The following LRRC7 variants were observed in gnomAD, a reference collection of about 807,000 sequenced individuals.
LRRC7 encodes leucine-rich repeat-containing protein 7.
In LRRC7, 23 loss-of-function variants were observed where a neutral mutation model predicts 175.7. The observed-to-expected ratio is 0.13, with a 90% CI of 0.09 to 0.19. LRRC7 has a LOEUF of 0.19. Ranked by LOEUF, LRRC7 falls within the 10% of genes least tolerant of loss-of-function variation. LRRC7 has a pLI of 1.00. For synonymous variants in LRRC7, 685 were observed against 680.9 expected, an observed-to-expected ratio of 1.01 and a Z score of -0.09; for missense variants, 1,354 against 1,904.7, an observed-to-expected ratio of 0.71 and a Z score of 5.38.
At chr1:69,838,347 T>C (rs1681349768) in intron 7 of LRRC7, 64 bp downstream of exon 7, 1 of 1,291,536 alleles carries the variant, frequency 7.7e-7, no homozygotes, top group Admixed American at 1.7e-5. Context: ...GAGAAATAAC[T>C]ACTTTTATTT....
intron 24 of LRRC7, among the ~76,000 whole-genome samples, chr1:70,081,613 G>A (rs565394668): frequency 1.4e-4 from 21 of 152,232 alleles, no homozygotes; most frequent in Admixed American, 2.6e-4. Flanking sequence ...TGCAGCCTGC[G>A]TCACATGTCA....
chr1:69,863,866 C>T (rs1684624290), intron 7 of LRRC7, among the ~76,000 whole-genome samples: 1 of 152,136 alleles, frequency 6.6e-6, no homozygotes, highest in Admixed American at 6.6e-5. Flanking sequence ...ATAATAACTT[C>T]AATGACATTC....
At chr1:69,909,292 G>A (rs997561944) in intron 7 of LRRC7, among the ~76,000 whole-genome samples, 20 of 152,124 alleles carry the variant, frequency 1.3e-4, no homozygotes, top group African/African-American at 4.8e-4. Context: ...ATTGTTATGT[G>A]TGTATTTGGT....
chr1:69,838,382 T>A, intron 7 of LRRC7, 99 bp downstream of exon 7: 1 of 932,574 alleles, frequency 1.1e-6, no homozygotes, highest in Non-Finnish European at 1.7e-6. Context: ...CACTTTGAGT[T>A]AATTTATCTA....
At chr1:69,968,943 C>T (rs532604072) in intron 8 of LRRC7, among the ~76,000 whole-genome samples, 8 of 152,068 alleles carry the variant, frequency 5.3e-5, no homozygotes, top group Non-Finnish European at 1.2e-4. Context: ...CTCAGCCTCC[C>T]GAGTAGCTGG....
intron 7 of LRRC7, chr1:69,919,418 G>A (rs1646814504): frequency 1.2e-6 from 1 of 828,036 alleles, no homozygotes; most frequent in African/African-American, 1.7e-5. Context: ...CCCTCAGGCC[G>A]AGGGTACTAC....
intron 2 of LRRC7, among the ~76,000 whole-genome samples, chr1:69,751,779 T>G (rs1298709212): frequency 6.6e-6 from 1 of 152,188 alleles, no homozygotes; most frequent in Non-Finnish European, 1.5e-5. Flanking sequence ...GAAGCATGGC[T>G]GTTCTTAGAG....
chr1:69,668,725 T>A (rs1322188762), intron 1 of LRRC7, among the ~76,000 whole-genome samples: 1 of 152,230 alleles, frequency 6.6e-6, no homozygotes, highest in East Asian at 1.9e-4. Context: ...TACCACACTG[T>A]CTTCCACAAT....
chr1:70,067,847 T>C (rs754343998), intron 23 of LRRC7, among the ~76,000 whole-genome samples: 3 of 152,146 alleles, frequency 2.0e-5, no homozygotes, highest in Non-Finnish European at 4.4e-5. Flanking sequence ...GCTTAATTTG[T>C]ACCTAAGTAT....
At chr1:69,628,384 A>T (rs1433071729) in intron 1 of LRRC7, among the ~76,000 whole-genome samples, 1 of 152,306 alleles carries the variant, frequency 6.6e-6, no homozygotes, top group East Asian at 1.9e-4. Flanking sequence ...CTATATTAGC[A>T]TTCCCCCAAT....
intron 8 of LRRC7, among the ~76,000 whole-genome samples, chr1:69,969,181 A>G (rs1651971755): frequency 6.6e-6 from 1 of 152,156 alleles, no homozygotes; most frequent in Non-Finnish European, 1.5e-5. Flanking sequence ...TTTAAAGCAT[A>G]AATCACACAG....
chr1:69,606,996 G>A (rs2101015509), intron 1 of LRRC7: 2 of 152,178 alleles, frequency 1.3e-5, no homozygotes, highest in Admixed American at 1.3e-4. Flanking sequence ...ATTTTTTGGA[G>A]AAACATTTGG....
At chr1:69,907,321 G>T (rs564862390) in intron 7 of LRRC7, among the ~76,000 whole-genome samples, 146 of 152,258 alleles carry the variant, frequency 9.6e-4, no homozygotes, top group Non-Finnish European at 1.6e-3. Context: ...GTGAGAGAGG[G>T]CATACCTGTC....
At chr1:69,748,198 A>C (rs931661214) in intron 2 of LRRC7, among the ~76,000 whole-genome samples, 6 of 152,204 alleles carry the variant, frequency 3.9e-5, no homozygotes, top group African/African-American at 9.6e-5. Context: ...CATTAATTAC[A>C]ATACTAATAA....
At chr1:69,983,697 C>G (rs1196984536) in intron 9 of LRRC7, among the ~76,000 whole-genome samples, 1 of 152,166 alleles carries the variant, frequency 6.6e-6, no homozygotes, top group Non-Finnish European at 1.5e-5. Context: ...AAGTGCCAGC[C>G]AAGGACTTTC....
chr1:69,975,491 C>T (rs1293230565), intron 8 of LRRC7, among the ~76,000 whole-genome samples: 3 of 152,150 alleles, frequency 2.0e-5, no homozygotes, highest in East Asian at 1.9e-4. Flanking sequence ...GGAAACCTGA[C>T]GTCTTTTGTT....
chr1:69,886,272 C>T (rs1031199685), intron 7 of LRRC7, among the ~76,000 whole-genome samples: 12 of 151,766 alleles, frequency 7.9e-5, no homozygotes, highest in African/African-American at 2.9e-4. Flanking sequence ...GTAGGTCACT[C>T]AGGACTTGCT....
chr1:70,059,009 C>T (rs1403473510), intron 23 of LRRC7, among the ~76,000 whole-genome samples: 1 of 152,168 alleles, frequency 6.6e-6, no homozygotes, highest in Admixed American at 6.5e-5. Context: ...AGCAGAAAAA[C>T]ATTGCAGCCA....
chr1:69,625,024 C>CA (rs1651253880), intron 1 of LRRC7, among the ~76,000 whole-genome samples: 1 of 151,968 alleles, frequency 6.6e-6, no homozygotes, highest in South Asian at 2.1e-4. Flanking sequence ...TCAAAGACCT[C>CA]AAAAAATTGT....
Sources: gnomAD v4.1 joint callset for allele counts (sites outside exome capture counted in the v4.1 genomes callset) on GRCh38, gnomAD v4.1.1 for gene constraint, MANE v1.5 for transcripts, NCBI Gene and HGNC (gene_info 2026-07-23, HGNC 2026-07-21) for gene names.